TMPRSS11A: variants seen among roughly 807,000 people sequenced by gnomAD.
TMPRSS11A encodes the protein transmembrane serine protease 11A, also known as transmembrane protease serine 11A.
A neutral mutation model predicts 58.9 loss-of-function variants in TMPRSS11A; 53 were observed. That is an observed-to-expected ratio of 0.90 (90% CI 0.72 to 1.13). TMPRSS11A has a LOEUF of 1.13. Ranked by LOEUF, TMPRSS11A falls within the 50% of genes most tolerant of loss-of-function variation. The probability of loss-of-function intolerance (pLI) is 0.00; values close to 1 mark genes in which losing one functional copy is unlikely to be tolerated. For synonymous variants in TMPRSS11A, 167 were observed against 169.8 expected (o/e 0.98, Z 0.13); for missense variants, 493 against 499.3 (o/e 0.99, Z 0.12).
chr4:67,927,188 G>A (rs967849563), intron 5 of TMPRSS11A, among the ~76,000 whole-genome samples: 9 of 152,128 alleles, frequency 5.9e-5, no homozygotes, highest in Non-Finnish European at 1.2e-4. Context: ...TGAAAGAGCT[G>A]TAACACAAAC....
At chr4:67,918,844 A>G in intron 8 of TMPRSS11A, 129 bp downstream of exon 8, 1 of 1,083,530 alleles carries the variant, frequency 9.2e-7, no homozygotes, top group Non-Finnish European at 1.3e-6. Context: ...TTTCTGTCAC[A>G]CAAAGTAAGA....
chr4:67,914,688 A>G lies in TMPRSS11A; in HGVS notation c.995T>C (p.Ile332Thr), dbSNP rs1285299765. ...NDLREARVKI[I>T]SDDVCKQPQV... ...TGGTTGCTTGCAGACATCATCACTT[A>G]TGATTTTCACTCTGGCTTCTCGGAG... Residue 332 changes from isoleucine to threonine, a missense_variant, in exon 9 of 10, where the codon ATA (isoleucine) becomes ACA (threonine). Ile to Thr is a moderately conservative substitution (Grantham distance 89). Transcript: ENST00000508048. 1.2e-6 allele frequency: 2 copies of G among 1,612,984 alleles called. No homozygotes were observed. The highest frequency in any genetic ancestry group is 1.7e-6 in the Non-Finnish European group (2 of 1,179,396).
rs755642148 is a variant in TMPRSS11A, at chr4:67,931,978, C to T, written c.320+15G>A. The T allele has an allele frequency of 3.9e-6, 6 of 1,553,702 alleles. No individual in the cohort carries two copies. The highest frequency in any genetic ancestry group is 1.7e-4 in the Middle Eastern group (1 of 5,922). Reference sequence around the variant, plus strand: ...CTCCAGTCTTGTGATTCCACCTTTGCCCAAACATACATACGTCAGTCTGAC... The same window carrying T: ...CTCCAGTCTTGTGATTCCACCTTTGTCCAAACATACATACGTCAGTCTGAC... On this transcript the variant is annotated intron_variant, in intron 4 of 9. Coordinates refer to ENST00000508048, the MANE Select transcript of TMPRSS11A (RefSeq NM_001114387.2).
At chr4:67,923,593 G>T (rs1720389990) in intron 6 of TMPRSS11A, among the ~76,000 whole-genome samples, 1 of 152,044 alleles carries the variant, frequency 6.6e-6, no homozygotes, top group African/African-American at 2.4e-5. Context: ...TGCAACCTCT[G>T]CCTCCCAGGT....
chr4:67,911,431 C>T lies in TMPRSS11A; in HGVS notation c.1168G>A (p.Gly390Arg). The change falls in exon 10 of 10, where the codon GGA becomes AGA. Residue 390 changes from glycine to arginine, a missense_variant. Physicochemically the swap from Gly to Arg is moderately radical, Grantham distance 125. Coordinates refer to ENST00000508048, the MANE Select transcript of TMPRSS11A (RefSeq NM_001114387.2). ...TTGTCCTTTTGACCACAGTTATCTC[C>T]CCAGCTTACAATTCCAATGAGATAC... is the stretch of plus-strand genomic sequence containing the variant. ...TWYLIGIVSW[G>R]DNCGQKDKPG... 6.2e-7 allele frequency: 1 copy of T among 1,613,508 alleles called. No individual in the cohort carries two copies. The highest frequency in any genetic ancestry group is 8.5e-7 in the Non-Finnish European group (1 of 1,179,604).
At chr4:67,914,140 A>G (rs1720079623) in intron 9 of TMPRSS11A, among the ~76,000 whole-genome samples, 1 of 152,174 alleles carries the variant, frequency 6.6e-6, no homozygotes, top group Non-Finnish European at 1.5e-5. Flanking sequence ...CTTTTCTATA[A>G]CATTATTTTC....
intron 8 of TMPRSS11A, 102 bp downstream of exon 8, chr4:67,918,871 C>T: frequency 7.4e-7 from 1 of 1,351,306 alleles, no homozygotes; most frequent in Non-Finnish European, 1.0e-6. Flanking sequence ...ACTAATCCAA[C>T]CAGACTGTGT....
At chr4:67,956,195 G>A (rs938047973) in intron 1 of TMPRSS11A, among the ~76,000 whole-genome samples, 14 of 152,078 alleles carry the variant, frequency 9.2e-5, no homozygotes, top group African/African-American at 1.4e-4. Flanking sequence ...AGGTGATCTC[G>A]TGTAATTGTT....
rs1719909822 is a variant in TMPRSS11A at position 67,909,414 on chromosome 4, A to G, written c.*1928T>C. On this transcript the variant is annotated 3_prime_UTR_variant, in exon 10 of 10. Transcript: ENST00000508048. ...GTAGAATGCTCTGATCACCAACTTTATTAGATTAAAAATGACATATCAATA... is the reference window on the plus strand; with the variant it reads ...GTAGAATGCTCTGATCACCAACTTTGTTAGATTAAAAATGACATATCAATA... 6.6e-6 allele frequency: 1 copy of G among 152,156 alleles called. No individual in the cohort carries two copies. The highest frequency in any genetic ancestry group is 2.4e-5 in the African/African-American group (1 of 41,460). The allele number at this position is 152,156 out of a possible 1,614,324, so 9.4% of individuals were successfully genotyped here.
chr4:67,942,189 T>A (rs112552896), intron 3 of TMPRSS11A, among the ~76,000 whole-genome samples: 4 of 152,170 alleles, frequency 2.6e-5, no homozygotes, highest in Admixed American at 2.0e-4. Flanking sequence ...TTTATACATA[T>A]TAGGGTGGCA....
chr4:67,963,477 T>TA lies in TMPRSS11A; in HGVS notation c.-85_-84insT. On this transcript the variant is annotated 5_prime_UTR_variant, in exon 1 of 10. Transcript: ENST00000508048. ...CAACTATATGACATCTCTAGATGTA[T>TA]TAGAAGTCTACGGCTCAAAGAAATA... The TA allele has an allele frequency of 7.0e-7, 1 of 1,433,348 alleles. No homozygotes were observed. Among genetic ancestry groups the TA allele is most frequent in the Non-Finnish European group, 9.7e-7 (1 of 1,031,014 alleles). The allele number at this position is 1,433,348 out of a possible 1,614,324, so 88.8% of individuals were successfully genotyped here. A position where few individuals can be genotyped will look rare whatever the true frequency, so the allele number is the denominator to read the frequency against.
At chr4:67,961,682 G>A (rs539002128) in intron 1 of TMPRSS11A, among the ~76,000 whole-genome samples, 84 of 151,562 alleles carry the variant, frequency 5.5e-4, no homozygotes, top group Admixed American at 3.2e-3. Flanking sequence ...CCGGCTAATT[G>A]TTGTATTTTT....
chr4:67,911,608 G>A lies in TMPRSS11A; in HGVS notation c.1096-105C>T, dbSNP rs1465924033. ...CATATTTTGTTACTAGACAGTACAT[G>A]TATAGACTATCAACACAGAATAATT... On this transcript the variant is annotated intron_variant, in intron 9 of 9. Coordinates refer to ENST00000508048, the MANE Select transcript of TMPRSS11A (RefSeq NM_001114387.2). The A allele has an allele frequency of 4.0e-6, 3 of 758,228 alleles. No individual in the cohort carries two copies. The East Asian group carries it at 8.1e-5, about 20-fold the overall frequency. The allele number at this position is 758,228 out of a possible 1,614,324, so 47.0% of individuals were successfully genotyped here. A position where few individuals can be genotyped will look rare whatever the true frequency, so the allele number is the denominator to read the frequency against.
At chr4:67,922,318 C>T (rs957770074) in intron 7 of TMPRSS11A, among the ~76,000 whole-genome samples, 2 of 152,166 alleles carry the variant, frequency 1.3e-5, no homozygotes, top group Non-Finnish European at 2.9e-5. Context: ...TACCAACTTC[C>T]GGCATTTATT....
chr4:67,930,982 A>G (rs1720601865), intron 4 of TMPRSS11A, among the ~76,000 whole-genome samples: 1 of 152,082 alleles, frequency 6.6e-6, no homozygotes, highest in African/African-American at 2.4e-5. Context: ...CAAATTGGCA[A>G]ACAGATGACT....
chr4:67,931,953 C>T, intron 4 of TMPRSS11A, 40 bp downstream of exon 4: 1 of 1,237,008 alleles, frequency 8.1e-7, no homozygotes, highest in South Asian at 1.2e-5. Flanking sequence ...TTCCTTTTCC[C>T]TCCAGTCTTG....
intron 3 of TMPRSS11A, among the ~76,000 whole-genome samples, chr4:67,942,104 A>G (rs1267014411): frequency 6.6e-6 from 1 of 152,236 alleles, no homozygotes; most frequent in Admixed American, 6.5e-5. Flanking sequence ...CCAAAAAGTT[A>G]ATAATTATAC....
In TMPRSS11A at chr4:67,919,712, T is replaced by A. The variant is rs978920120; in HGVS notation, c.693-480A>T. On this transcript the variant is annotated intron_variant, in intron 7 of 9. Transcript: ENST00000508048. ...GGTAACGGAATAGAGTACTAACAGG[T>A]CATTATGATTATTTTGATAACGCAT... Among the ~76,000 whole-genome samples the A allele has an allele frequency of 3.9e-5, 6 of 152,134 alleles. No individual in the cohort carries two copies. The East Asian group carries it at 1.2e-3, about 29-fold the overall frequency.
intron 3 of TMPRSS11A, among the ~76,000 whole-genome samples, chr4:67,936,714 G>A (rs529414239): frequency 1.8e-4 from 27 of 152,246 alleles, no homozygotes; most frequent in African/African-American, 5.3e-4. Flanking sequence ...CACTACTCAC[G>A]TGTAACAAGT....
Sources: allele counts gnomAD v4.1 joint callset (sites outside exome capture counted in the v4.1 genomes callset), GRCh38; gene constraint gnomAD v4.1.1; transcripts MANE v1.5; gene names NCBI Gene and HGNC (gene_info 2026-07-23, HGNC 2026-07-21).